The following FRMD5 variants were observed in gnomAD, a reference collection of about 807,000 sequenced individuals.
FRMD5 encodes the protein FERM domain-containing protein 5.
FRMD5 carries 20 observed loss-of-function variants against 69.0 expected under a neutral mutation model. The ratio of observed to expected loss-of-function variants is 0.29; its 90% CI spans 0.20 to 0.42. The LOEUF (loss-of-function observed/expected upper bound fraction) is 0.42. Ranked by LOEUF, FRMD5 falls within the 10% of genes least tolerant of loss-of-function variation. The pLI is 1.00. For missense variants in FRMD5, 595 were observed against 708.6 expected (o/e 0.84, Z 1.82); for synonymous variants, 271 against 260.1 (o/e 1.04, Z -0.40).
intron 1 of FRMD5, among the ~76,000 whole-genome samples, chr15:43,984,249 G>C (rs1436133571): frequency 6.6e-6 from 1 of 152,186 alleles, no homozygotes; most frequent in African/African-American, 2.4e-5. Flanking sequence ...GTCTTCAGTT[G>C]TGAGAATATC....
At chr15:44,030,556 C>T (rs1052963366) in intron 1 of FRMD5, among the ~76,000 whole-genome samples, 3 of 152,142 alleles carry the variant, frequency 2.0e-5, no homozygotes, top group Non-Finnish European at 2.9e-5. Flanking sequence ...TTCATTCATT[C>T]TCAAGCTTAA....
intron 1 of FRMD5, among the ~76,000 whole-genome samples, chr15:44,154,648 C>T (rs1007630935): frequency 6.6e-6 from 1 of 152,102 alleles, no homozygotes. Context: ...TGTGTAAAAC[C>T]TTTATTGCAA....
At chr15:44,186,484 A>G (rs1404760141) in intron 1 of FRMD5, among the ~76,000 whole-genome samples, 1 of 152,230 alleles carries the variant, frequency 6.6e-6, no homozygotes, top group Non-Finnish European at 1.5e-5. Flanking sequence ...TGGATGGAGT[A>G]CCAGACTATG....
intron 1 of FRMD5, among the ~76,000 whole-genome samples, chr15:43,927,762 A>T (rs2089609789): frequency 6.6e-6 from 1 of 151,902 alleles, no homozygotes. Flanking sequence ...AATGTTTTTC[A>T]CAAACACTAC....
chr15:44,112,614 C>T (rs949621624), intron 1 of FRMD5, among the ~76,000 whole-genome samples: 6 of 151,904 alleles, frequency 3.9e-5, no homozygotes, highest in African/African-American at 9.7e-5. Context: ...CTACAGGCGC[C>T]CGCCACCATG....
At chr15:44,027,638 AG>A (rs1566906903) in intron 1 of FRMD5, among the ~76,000 whole-genome samples, 2 of 131,294 alleles carry the variant, frequency 1.5e-5, no homozygotes, top group African/African-American at 6.3e-5. Flanking sequence ...TTTCTTTTCT[AG>A]TTTTTTTTTT....
intron 9 of FRMD5, 80 bp from the exon 10 acceptor site, chr15:43,888,346 A>G (rs982745679): frequency 1.1e-6 from 1 of 947,758 alleles, no homozygotes; most frequent in African/African-American, 1.6e-5. Context: ...CTGACCCCAG[A>G]GCTGTTAGAG....
chr15:44,120,409 A>G (rs2076930234), intron 1 of FRMD5, among the ~76,000 whole-genome samples: 1 of 152,242 alleles, frequency 6.6e-6, no homozygotes. Flanking sequence ...CCGACAAAAC[A>G]TGATAAGAGA....
At chr15:44,057,294 C>T (rs1260806985) in intron 1 of FRMD5, among the ~76,000 whole-genome samples, 3 of 151,702 alleles carry the variant, frequency 2.0e-5, no homozygotes, top group African/African-American at 4.8e-5. Context: ...TTAGTAGAGA[C>T]GGGGTTTCAC....
At chr15:43,928,141 G>C (rs1018727738) in intron 1 of FRMD5, among the ~76,000 whole-genome samples, 1 of 152,114 alleles carries the variant, frequency 6.6e-6, no homozygotes, top group Non-Finnish European at 1.5e-5. Context: ...TTACTTTTCA[G>C]CACCTGGTGA....
At chr15:44,128,555 T>A (rs931386195) in intron 1 of FRMD5, among the ~76,000 whole-genome samples, 1 of 152,198 alleles carries the variant, frequency 6.6e-6, no homozygotes, top group Non-Finnish European at 1.5e-5. Flanking sequence ...ATGAAGCTGA[T>A]TAAGATATAT....
chr15:44,065,300 A>G (rs1893263348), intron 1 of FRMD5, among the ~76,000 whole-genome samples: 1 of 152,240 alleles, frequency 6.6e-6, no homozygotes, highest in African/African-American at 2.4e-5. Context: ...ACTAGGGTTT[A>G]CAAAAATATA....
At chr15:43,882,487 T>C (rs756313877) in intron 13 of FRMD5, among the ~76,000 whole-genome samples, 2 of 151,838 alleles carry the variant, frequency 1.3e-5, no homozygotes, top group Non-Finnish European at 2.9e-5. Flanking sequence ...ACCCCCCAAG[T>C]AGCTGGGATT....
At chr15:43,994,304 C>A (rs78377173) in intron 1 of FRMD5, among the ~76,000 whole-genome samples, 5,154 of 152,124 alleles carry the variant, frequency 0.034, 245 homozygotes, top group African/African-American at 0.11. Context: ...TTATAACAGG[C>A]CATTTTAAAC....
At chr15:44,148,316 G>A (rs1394463983) in intron 1 of FRMD5, among the ~76,000 whole-genome samples, 1 of 151,688 alleles carries the variant, frequency 6.6e-6, no homozygotes, top group Admixed American at 6.6e-5. Context: ...CTGTCCCCCA[G>A]GTTGGAGTGC....
chr15:44,169,835 G>C (rs1198678714), intron 1 of FRMD5, among the ~76,000 whole-genome samples: 1 of 151,822 alleles, frequency 6.6e-6, no homozygotes, highest in East Asian at 1.9e-4. Flanking sequence ...TCCATACTTA[G>C]GTATAATACT....
At chr15:43,923,552 G>T (rs960004430) in intron 2 of FRMD5, among the ~76,000 whole-genome samples, 1 of 152,218 alleles carries the variant, frequency 6.6e-6, no homozygotes, top group Non-Finnish European at 1.5e-5. Flanking sequence ...TGTAAAGAAA[G>T]AAGGTATGAT....
chr15:44,178,712 A>G (rs1189092007), intron 1 of FRMD5, among the ~76,000 whole-genome samples: 1 of 152,164 alleles, frequency 6.6e-6, no homozygotes, highest in African/African-American at 2.4e-5. Flanking sequence ...ACCCAAGTCT[A>G]GGCCGGGTAC....
At chr15:43,895,523 T>C (rs1024754100) in intron 7 of FRMD5, among the ~76,000 whole-genome samples, 1 of 152,264 alleles carries the variant, frequency 6.6e-6, no homozygotes, top group African/African-American at 2.4e-5. Context: ...CTAACCAGAC[T>C]GGCTGCTTTA....
Sources: gnomAD v4.1 joint callset for allele counts (sites outside exome capture counted in the v4.1 genomes callset) on GRCh38, gnomAD v4.1.1 for gene constraint, MANE v1.5 for transcripts, NCBI Gene and HGNC (gene_info 2026-07-23, HGNC 2026-07-21) for gene names.